Variants in NOS1 observed in about 807,000 individuals in gnomAD.
NOS1 encodes the protein NOS type I.
Under a neutral mutation model 164.5 loss-of-function variants are expected in NOS1, and 51 were observed. The observed-to-expected ratio is 0.31, with a 90% confidence interval of 0.25 to 0.39. NOS1 has a LOEUF of 0.39. Among genes scored for constraint, NOS1 ranks in the 10% least tolerant of loss-of-function variants. NOS1 has a pLI of 1.00. For synonymous variants in NOS1, 719 were observed against 745.8 expected (o/e 0.96, Z 0.59); for missense variants, 1,362 against 1,885.6 (o/e 0.72, Z 5.14).
intron 2 of NOS1, among the ~76,000 whole-genome samples, chr12:117,318,772 G>A (rs755584125): frequency 5.3e-5 from 8 of 152,160 alleles, no homozygotes; most frequent in Admixed American, 1.3e-4. Flanking sequence ...TGCCTGTTCC[G>A]GCCAACCAGA....
intron 1 of NOS1, among the ~76,000 whole-genome samples, chr12:117,355,618 C>T (rs1350668148): frequency 6.6e-6 from 1 of 152,132 alleles, no homozygotes; most frequent in African/African-American, 2.4e-5. Context: ...ACTAACAGAA[C>T]ATATCTGCAG....
chr12:117,277,835 G>A (rs892383534), intron 9 of NOS1, 124 bp downstream of exon 9: 1 of 1,188,692 alleles, frequency 8.4e-7, no homozygotes, highest in East Asian at 2.4e-5. Context: ...CAGGAACCAA[G>A]CCCCCCTTTC....
At chr12:117,327,036 G>A (rs537838385) in intron 2 of NOS1, among the ~76,000 whole-genome samples, 1 of 152,320 alleles carries the variant, frequency 6.6e-6, no homozygotes, top group Admixed American at 6.5e-5. Context: ...CAGACTCCTG[G>A]AGTTCTGGGG....
chr12:117,329,504 G>A lies in NOS1; in HGVS notation c.725+841C>T, dbSNP rs531564486. ...CCCTGGCAGCACTGGGGGCTGTAAC[G>A]TCAGTGCCAGACCTAAGATGCAAAT... On this transcript the variant is annotated intron_variant, in intron 2 of 28. Transcript: ENST00000317775. Among the ~76,000 whole-genome samples, 8 of 152,178 alleles carry A rather than the reference G, an allele frequency of 5.3e-5. No individual in the cohort carries two copies. In the East Asian group the frequency reaches 1.2e-3, roughly 22 times the overall value.
intron 18 of NOS1, among the ~76,000 whole-genome samples, chr12:117,247,074 C>T: frequency 6.6e-6 from 1 of 152,116 alleles, no homozygotes; most frequent in Non-Finnish European, 1.5e-5. Context: ...TGACGGATGG[C>T]TTCCTCCCAG....
At position 117,243,882 on chromosome 12, in the gene NOS1, A is replaced by G. The variant is rs1395305333; in HGVS notation, c.2824-447T>C. On this transcript the variant is annotated intron_variant, in intron 18 of 28. Coordinates refer to ENST00000317775, the MANE Select transcript of NOS1 (RefSeq NM_000620.5). This position sits in a 1 kb window ranked among gnomAD's most constrained non-coding sequence, Gnocchi z 4.3. ...CATCTACCCACCCACCCACCTATCCATCTATCTTTCCATGCAGGCATGCAT... is the reference window on the plus strand; with the variant it reads ...CATCTACCCACCCACCCACCTATCCGTCTATCTTTCCATGCAGGCATGCAT... Among the ~76,000 whole-genome samples, 2 of 151,406 alleles carry G rather than the reference A, an allele frequency of 1.3e-5. No homozygotes were observed. The highest frequency in any genetic ancestry group is 2.4e-5 in the African/African-American group (1 of 41,160).
Position 117,212,941 on chromosome 12 carries a change from T to C in NOS1, c.*2368A>G, listed in dbSNP as rs917123035. On this transcript the variant is annotated 3_prime_UTR_variant, in exon 29 of 29. Coordinates refer to ENST00000317775, the MANE Select transcript of NOS1 (RefSeq NM_000620.5). Reference sequence around the variant, plus strand: ...TAGCCTGGAGTTGTGAAGCAGCTTGTGTTGGGGATTGAAAGGTGTTTACTT... The same window carrying C: ...TAGCCTGGAGTTGTGAAGCAGCTTGCGTTGGGGATTGAAAGGTGTTTACTT... 59 of 985,250 alleles carry C rather than the reference T, an allele frequency of 6.0e-5. No homozygotes were observed. The highest frequency in any genetic ancestry group is 6.5e-5 in the Non-Finnish European group (54 of 829,912). 61.0% of individuals were successfully genotyped at this position (985,250 alleles called of 1,614,324 possible).
chr12:117,361,181 G>A (rs1400843547), intron 1 of NOS1, among the ~76,000 whole-genome samples: 2 of 145,164 alleles, frequency 1.4e-5, no homozygotes, highest in East Asian at 2.3e-4. Context: ...GCACCCGCCC[G>A]CCCGCCTCGT....
chr12:117,285,972 CCAT>C lies in NOS1; in HGVS notation c.1290+129_1290+131del. ...GATCTTGGAATGTGGGACCCCGTGACCATCATCTGATAGGTCACCATGGCTACC... is the reference window on the plus strand; with the variant it reads ...GATCTTGGAATGTGGGACCCCGTGACCATCTGATAGGTCACCATGGCTACC... On this transcript the variant is annotated intron_variant, in intron 6 of 28. Coordinates refer to ENST00000317775, the MANE Select transcript of NOS1 (RefSeq NM_000620.5). 4.2e-6 allele frequency: 4 copies of C among 945,320 alleles called. No homozygotes were observed. The South Asian group carries it at 6.7e-5, about 16-fold the overall frequency. The allele number at this position is 945,320 out of a possible 1,614,324, so 58.6% of individuals were successfully genotyped here.
chr12:117,236,269 C>T (rs1411664354), intron 20 of NOS1, among the ~76,000 whole-genome samples: 2 of 152,088 alleles, frequency 1.3e-5, no homozygotes, highest in African/African-American at 2.4e-5. Context: ...TCTATATTCT[C>T]TATGGTATGT....
chr12:117,292,895 C>A (rs990932508), intron 3 of NOS1, among the ~76,000 whole-genome samples: 11 of 152,164 alleles, frequency 7.2e-5, no homozygotes, highest in Non-Finnish European at 1.6e-4. Flanking sequence ...TGAGCCATTG[C>A]AATCGATTTA....
rs982327833 is a variant in NOS1 at position 117,214,924 on chromosome 12, G to A, written c.*385C>T. The A allele has an allele frequency of 9.7e-7, 1 of 1,031,316 alleles. No individual in the cohort carries two copies. Among genetic ancestry groups the A allele is most frequent in the African/African-American group, 1.7e-5 (1 of 59,052 alleles). 63.9% of individuals were successfully genotyped at this position (1,031,316 alleles called of 1,614,324 possible). ...AGGAGAAAGGGGGACTTCAGTGGCT[G>A]AGGGACTGGCTCAGAGAGCTTGTGC... On this transcript the variant is annotated 3_prime_UTR_variant, in exon 29 of 29. Coordinates refer to ENST00000317775, the MANE Select transcript of NOS1 (RefSeq NM_000620.5).
At position 117,311,611 on chromosome 12, in the gene NOS1, C is replaced by T. The variant is rs200704526; in HGVS notation, c.726-19G>A. 253 of 1,604,044 alleles carry T rather than the reference C, an allele frequency of 1.6e-4. No individual in the cohort carries two copies. Among genetic ancestry groups the T allele is most frequent in the Middle Eastern group, 1.9e-4 (1 of 5,328 alleles). On this transcript the variant is annotated intron_variant, in intron 2 of 28. Coordinates refer to ENST00000317775, the MANE Select transcript of NOS1 (RefSeq NM_000620.5). ...CAAATCTCTGAAAGGCAAGGTGGGG[C>T]AGGTGAGGAAGGGGACATCAGGAGG...
At chr12:117,222,016 A>G (rs191300833) in intron 26 of NOS1, among the ~76,000 whole-genome samples, 3 of 152,050 alleles carry the variant, frequency 2.0e-5, no homozygotes, top group East Asian at 1.9e-4. Flanking sequence ...TAACCACTTT[A>G]AAGTGTATGA....
At chr12:117,338,758 T>C (rs1456466283) in intron 1 of NOS1, among the ~76,000 whole-genome samples, 1 of 152,172 alleles carries the variant, frequency 6.6e-6, no homozygotes, top group Non-Finnish European at 1.5e-5. Flanking sequence ...TATGTAAATG[T>C]AAAGGTTATT....
chr12:117,248,234 T>C (rs1870800273), intron 17 of NOS1, among the ~76,000 whole-genome samples: 1 of 151,894 alleles, frequency 6.6e-6, no homozygotes, highest in Non-Finnish European at 1.5e-5. Context: ...TTAGGGTACA[T>C]GTGCACCATG....
Position 117,339,288 on chromosome 12 carries a change from T to C in NOS1, c.-420-7799A>G, listed in dbSNP as rs1458018438. On this transcript the variant is annotated intron_variant, in intron 1 of 28. Coordinates refer to ENST00000317775, the MANE Select transcript of NOS1 (RefSeq NM_000620.5). ...TGGCTACAGTTTGCCTATGATGATG[T>C]CAATCTTCCCACCTCTGATGCCCAT... is the stretch of plus-strand genomic sequence containing the variant. Among the ~76,000 whole-genome samples, 3 of 152,320 alleles carry C rather than the reference T, an allele frequency of 2.0e-5. No homozygotes were observed. The East Asian group carries it at 5.8e-4, about 29-fold the overall frequency.
chr12:117,298,457 G>C (rs1391729060), intron 3 of NOS1, among the ~76,000 whole-genome samples: 1 of 152,136 alleles, frequency 6.6e-6, no homozygotes, highest in Non-Finnish European at 1.5e-5. Context: ...CTGGGGTTTG[G>C]GGACCCCTGT....
intron 10 of NOS1, 44 bp from the exon 11 acceptor site, chr12:117,268,188 T>G: frequency 3.0e-6 from 4 of 1,347,196 alleles, no homozygotes; most frequent in Non-Finnish European, 4.3e-6. Flanking sequence ...GGGGTATCTC[T>G]GGATTTCAGA....
Sources: gnomAD v4.1 joint callset for allele counts (sites outside exome capture counted in the v4.1 genomes callset) on GRCh38, gnomAD v4.1.1 for gene constraint, Gnocchi (gnomAD v3.1) non-coding constraint, MANE v1.5 for transcripts, NCBI Gene and HGNC (gene_info 2026-07-23, HGNC 2026-07-21) for gene names.